The following PLXDC2 variants were observed in gnomAD, a reference collection of about 807,000 sequenced individuals.
PLXDC2 encodes plexin domain containing 2.
Under a neutral mutation model 68.9 loss-of-function variants are expected in PLXDC2, and 40 were observed. The ratio of observed to expected loss-of-function variants is 0.58; its 90% CI spans 0.45 to 0.76. The LOEUF is 0.76. PLXDC2 is among the 30% of genes least tolerant of loss of function. The pLI, the probability that PLXDC2 is intolerant of heterozygous loss-of-function variation, is 0.00. For missense variants in PLXDC2, 644 were observed against 661.9 expected, an observed-to-expected ratio of 0.97 and a Z score of 0.30; for synonymous variants, 243 against 234.2, an observed-to-expected ratio of 1.04 and a Z score of -0.34.
chr10:19,855,130 A>G (rs1365751428), intron 1 of PLXDC2, among the ~76,000 whole-genome samples: 1 of 152,198 alleles, frequency 6.6e-6, no homozygotes, highest in Non-Finnish European at 1.5e-5. Context: ...CATACAACAC[A>G]TGTTTGTTGA....
chr10:19,973,314 A>ATATATATGTATACATATATATGTGAG (rs1834390353), intron 1 of PLXDC2, among the ~76,000 whole-genome samples: 1 of 136,934 alleles, frequency 7.3e-6, no homozygotes, highest in African/African-American at 2.7e-5. Context: ...ATATACTCAC[A>ATATATATGTATACATATATATGTGAG]TATATATGTA....
At chr10:20,216,828 TA>T (rs74660516) in intron 10 of PLXDC2, among the ~76,000 whole-genome samples, 24,190 of 152,240 alleles carry the variant, frequency 0.16, 2,292 homozygotes, top group South Asian at 0.27. Flanking sequence ...ATAGCTCTGC[TA>T]AGGAGGAAAA....
At chr10:19,994,435 C>A (rs1000368134) in intron 1 of PLXDC2, among the ~76,000 whole-genome samples, 5 of 148,694 alleles carry the variant, frequency 3.4e-5, no homozygotes, top group Non-Finnish European at 7.4e-5. Flanking sequence ...CTCAAGCGAT[C>A]CTCCAACCTC....
chr10:20,057,525 A>T (rs748397744), intron 3 of PLXDC2, among the ~76,000 whole-genome samples: 1 of 152,180 alleles, frequency 6.6e-6, no homozygotes, highest in Non-Finnish European at 1.5e-5. Context: ...TCCCATCAGA[A>T]TGTCTAGTGT....
chr10:20,077,129 C>T (rs1160582033), intron 4 of PLXDC2, among the ~76,000 whole-genome samples: 3 of 152,110 alleles, frequency 2.0e-5, no homozygotes, highest in African/African-American at 7.2e-5. Context: ...TGAGAATGGA[C>T]ATCCCCCTTG....
intron 1 of PLXDC2, among the ~76,000 whole-genome samples, chr10:19,833,244 C>T (rs1836727821): frequency 6.6e-6 from 1 of 152,198 alleles, no homozygotes; most frequent in African/African-American, 2.4e-5. Flanking sequence ...TAATGATAGT[C>T]AAGTGCAGTG....
At chr10:19,890,676 CTTTT>C (rs56921191) in intron 1 of PLXDC2, among the ~76,000 whole-genome samples, 64 of 61,146 alleles carry the variant, frequency 1.0e-3, no homozygotes, top group East Asian at 3.7e-3. Flanking sequence ...CGCCCGGCTG[CTTTT>C]TTTTTTTTTT....
chr10:20,120,462 C>A (rs1297970722), intron 4 of PLXDC2, among the ~76,000 whole-genome samples: 1 of 151,738 alleles, frequency 6.6e-6, no homozygotes, highest in East Asian at 2.0e-4. Context: ...GCCTGAAAAA[C>A]TGCTTGGCTG....
intron 1 of PLXDC2, among the ~76,000 whole-genome samples, chr10:19,848,002 C>A (rs1248412970): frequency 6.6e-6 from 1 of 152,104 alleles, no homozygotes; most frequent in Non-Finnish European, 1.5e-5. Flanking sequence ...TAGTCCCCTA[C>A]CCAATGGAAT....
intron 1 of PLXDC2, among the ~76,000 whole-genome samples, chr10:19,878,811 G>C (rs1837679542): frequency 6.6e-6 from 1 of 152,080 alleles, no homozygotes; most frequent in Non-Finnish European, 1.5e-5. Flanking sequence ...CCACATATTA[G>C]AGAAGATATA....
chr10:20,189,260 A>G (rs1423963653), intron 9 of PLXDC2, among the ~76,000 whole-genome samples: 1 of 150,994 alleles, frequency 6.6e-6, no homozygotes, highest in Non-Finnish European at 1.5e-5. Flanking sequence ...ATTTTGATGT[A>G]AATAATGCTT....
chr10:20,128,089 G>A (rs535236622), intron 4 of PLXDC2, among the ~76,000 whole-genome samples: 2 of 152,300 alleles, frequency 1.3e-5, no homozygotes, highest in Admixed American at 1.3e-4. Flanking sequence ...CTTCTAGAAA[G>A]GCTGCCCTGC....
chr10:19,957,929 A>G (rs1030134453), intron 1 of PLXDC2, among the ~76,000 whole-genome samples: 1 of 152,110 alleles, frequency 6.6e-6, no homozygotes, highest in Non-Finnish European at 1.5e-5. Context: ...ATTAGGTGCT[A>G]CCAGAAAGAT....
chr10:20,029,934 T>G (rs980164130), intron 2 of PLXDC2, among the ~76,000 whole-genome samples: 2 of 152,212 alleles, frequency 1.3e-5, no homozygotes, highest in African/African-American at 4.8e-5. Flanking sequence ...TTTTCCCTCT[T>G]CTAAGATGTG....
chr10:19,897,464 C>T (rs111699525), intron 1 of PLXDC2, among the ~76,000 whole-genome samples: 3 of 151,948 alleles, frequency 2.0e-5, no homozygotes, highest in African/African-American at 2.4e-5. Context: ...AGGCTGGTCT[C>T]GAACTCCCAA....
chr10:19,980,968 C>G (rs1834541492), intron 1 of PLXDC2, among the ~76,000 whole-genome samples: 1 of 152,204 alleles, frequency 6.6e-6, no homozygotes, highest in East Asian at 1.9e-4. Flanking sequence ...TTAAAGTTGT[C>G]AAGAAAAATG....
chr10:19,867,218 A>G (rs1332273694), intron 1 of PLXDC2, among the ~76,000 whole-genome samples: 2 of 151,976 alleles, frequency 1.3e-5, no homozygotes, highest in Non-Finnish European at 1.5e-5. Flanking sequence ...GGTATCCACC[A>G]CCACGCCCAG....
chr10:19,921,834 C>CT (rs1011930417), intron 1 of PLXDC2, among the ~76,000 whole-genome samples: 86 of 151,980 alleles, frequency 5.7e-4, no homozygotes, highest in Non-Finnish European at 1.1e-3. Context: ...CTGTGTCTAT[C>CT]TTTTTTTTAA....
chr10:19,861,130 G>A (rs974676978), intron 1 of PLXDC2, among the ~76,000 whole-genome samples: 1 of 151,582 alleles, frequency 6.6e-6, no homozygotes, highest in Admixed American at 6.6e-5. Context: ...TGCCTCCCGG[G>A]TTCAAGTGAT....
Sources: gnomAD v4.1 joint callset for allele counts (sites outside exome capture counted in the v4.1 genomes callset) on GRCh38, gnomAD v4.1.1 for gene constraint, MANE v1.5 for transcripts, NCBI Gene and HGNC (gene_info 2026-07-23, HGNC 2026-07-21) for gene names.